The following MAPK10 variants were observed in gnomAD, a reference collection of about 807,000 sequenced individuals.
MAPK10 encodes the protein JNK3 alpha protein kinase.
MAPK10 carries 25 observed loss-of-function variants against 59.3 expected under a neutral mutation model. The ratio of observed to expected loss-of-function variants is 0.42; its 90% CI spans 0.31 to 0.59. The LOEUF (loss-of-function observed/expected upper bound fraction) is 0.59. Ranked by LOEUF, MAPK10 falls within the 20% of genes least tolerant of loss-of-function variation. The probability of loss-of-function intolerance (pLI) is 0.15; values close to 1 mark genes in which losing one functional copy is unlikely to be tolerated. For missense variants in MAPK10, 351 were observed against 568.9 expected, an observed-to-expected ratio of 0.62 and a Z score of 3.90; for synonymous variants, 190 against 200.5, an observed-to-expected ratio of 0.95 and a Z score of 0.44.
chr4:86,550,477 T>A (rs1457654611), intron 1 of MAPK10, among the ~76,000 whole-genome samples: 1 of 143,312 alleles, frequency 7.0e-6, no homozygotes, highest in African/African-American at 2.7e-5. Context: ...GGAAGGCAGA[T>A]CACTTGAGGT....
chr4:86,093,915 G>C (rs1351149953), intron 9 of MAPK10, among the ~76,000 whole-genome samples: 1 of 151,576 alleles, frequency 6.6e-6, no homozygotes, highest in Non-Finnish European at 1.5e-5. Flanking sequence ...CATGCAATTT[G>C]CTTATAGATT....
chr4:86,174,455 T>C lies in MAPK10; in HGVS notation c.67-14988A>G, dbSNP rs377251495. 2.4e-4 allele frequency among the ~76,000 whole-genome samples: 36 copies of C among 152,104 alleles called. No homozygotes were observed. In the East Asian group the frequency reaches 6.0e-3, roughly 25 times the overall value. ...ACGCAGGGAGGGGAACAACACACAC[T>C]GGGACCTGTCAGGGGGGTGGTGGAA... On this transcript the variant is annotated intron_variant, in intron 3 of 13. Transcript: ENST00000641462.
At chr4:86,282,582 G>A (rs1360305232) in intron 2 of MAPK10, among the ~76,000 whole-genome samples, 1 of 152,086 alleles carries the variant, frequency 6.6e-6, no homozygotes, top group Admixed American at 6.6e-5. Flanking sequence ...AGATTTTGGA[G>A]GAAAACAAAC....
intron 2 of MAPK10, among the ~76,000 whole-genome samples, chr4:86,325,153 T>C (rs893703254): frequency 2.6e-5 from 4 of 151,834 alleles, no homozygotes; most frequent in African/African-American, 9.7e-5. Flanking sequence ...AAAATACTCA[T>C]AAAAAAAATA....
At chr4:86,083,822 A>C (rs931505133) in intron 9 of MAPK10, among the ~76,000 whole-genome samples, 1 of 152,180 alleles carries the variant, frequency 6.6e-6, no homozygotes, top group African/African-American at 2.4e-5. Flanking sequence ...AGGAAAGGAA[A>C]GAGTGAAAAG....
chr4:86,458,392 G>A (rs1050960401), intron 1 of MAPK10, among the ~76,000 whole-genome samples: 11 of 151,962 alleles, frequency 7.2e-5, no homozygotes, highest in African/African-American at 2.7e-4. Context: ...AACCCAGGAG[G>A]CAAGGGTTTT....
chr4:86,098,681 G>C (rs1476050843), intron 8 of MAPK10, 86 bp from the exon 9 acceptor site: 1 of 1,134,310 alleles, frequency 8.8e-7, no homozygotes, highest in African/African-American at 1.5e-5. Flanking sequence ...GGAGGAAAAA[G>C]AACAGTTTGA....
intron 4 of MAPK10, among the ~76,000 whole-genome samples, chr4:86,137,102 C>T (rs1251162548): frequency 1.3e-5 from 2 of 150,506 alleles, no homozygotes; most frequent in Non-Finnish European, 2.9e-5. Flanking sequence ...TTTAACACCC[C>T]ACTGTCAACA....
Position 86,314,761 on chromosome 4 carries a change from A to G in MAPK10, c.-7+39769T>C, listed in dbSNP as rs1398968513. ...CAAGGAAAATACTTAGATATACAACATAAAAAGTTACAAATCAACCATAAT... is the reference window on the plus strand; with the variant it reads ...CAAGGAAAATACTTAGATATACAACGTAAAAAGTTACAAATCAACCATAAT... On this transcript the variant is annotated intron_variant, in intron 2 of 13. Transcript: ENST00000641462. 4.6e-5 allele frequency among the ~76,000 whole-genome samples: 7 copies of G among 152,308 alleles called. No homozygotes were observed. In the East Asian group the frequency reaches 1.3e-3, roughly 29 times the overall value.
At chr4:86,271,375 T>A (rs1247000292) in intron 2 of MAPK10, among the ~76,000 whole-genome samples, 1 of 152,094 alleles carries the variant, frequency 6.6e-6, no homozygotes, top group Admixed American at 6.6e-5. Context: ...TTGTTTGTCA[T>A]TATTGATTCA....
chr4:86,372,564 G>GAAAGAAAGAAAAAGAAAAGAAAAGA lies in MAPK10; in HGVS notation c.-121-17921_-121-17920insTCTTTTCTTTTCTTTTTCTTTCTTT. ...AGAAAGAAAGAAAGAAAGAAAGAAAGAAAGAAAAGAAAAGAAAAGAAAAGA... is the reference window on the plus strand; with the variant it reads ...AGAAAGAAAGAAAGAAAGAAAGAAAGAAAGAAAGAAAAAGAAAAGAAAAGAAAAGAAAAGAAAAGAAAAGAAAAGA... On this transcript the variant is annotated intron_variant, in intron 1 of 13. Transcript: ENST00000361569. 7.6e-3 allele frequency among the ~76,000 whole-genome samples: 599 copies of GAAAGAAAGAAAAAGAAAAGAAAAGA among 78,714 alleles called. 12 individuals are homozygous for GAAAGAAAGAAAAAGAAAAGAAAAGA. The highest frequency in any genetic ancestry group is 0.013 in the Non-Finnish European group (459 of 36,036). 51.6% of individuals were successfully genotyped at this position (78,714 alleles called of 152,430 possible).
chr4:86,455,431 C>T (rs1751146322), upstream of MAPK10, among the ~76,000 whole-genome samples: 1 of 152,088 alleles, frequency 6.6e-6, no homozygotes, highest in Non-Finnish European at 1.5e-5. Flanking sequence ...CATAAGGACT[C>T]ACATAAATTT....
chr4:86,508,150 T>C (rs1755947388), intron 1 of MAPK10, among the ~76,000 whole-genome samples: 1 of 152,136 alleles, frequency 6.6e-6, no homozygotes, highest in Non-Finnish European at 1.5e-5. Flanking sequence ...CAAAAAAATA[T>C]CATTTTCTTT....
intron 11 of MAPK10, among the ~76,000 whole-genome samples, chr4:86,049,929 G>A (rs1160481058): frequency 6.6e-6 from 1 of 152,046 alleles, no homozygotes; most frequent in Non-Finnish European, 1.5e-5. Context: ...CCTGCAGCTT[G>A]GGTACCCTCT....
chr4:86,561,211 A>G (rs2149104368), intron 1 of MAPK10, among the ~76,000 whole-genome samples: 1 of 152,222 alleles, frequency 6.6e-6, no homozygotes, highest in South Asian at 2.1e-4. Context: ...TCAGGTGGTA[A>G]TGCTCCAGCC....
At chr4:86,456,344 C>G (rs947326359), upstream of MAPK10, among the ~76,000 whole-genome samples, 1 of 151,528 alleles carries the variant, frequency 6.6e-6, no homozygotes, top group Non-Finnish European at 1.5e-5. Flanking sequence ...ACAACAACAA[C>G]AAAAAAGATA....
chr4:86,114,802 G>T (rs527274742), intron 4 of MAPK10, among the ~76,000 whole-genome samples: 1 of 152,230 alleles, frequency 6.6e-6, no homozygotes, highest in African/African-American at 2.4e-5. Flanking sequence ...GACTGTGGCC[G>T]CTCCTCCCCT....
chr4:86,074,340 T>G (rs1023589346), intron 9 of MAPK10, among the ~76,000 whole-genome samples: 8 of 150,096 alleles, frequency 5.3e-5, no homozygotes, highest in African/African-American at 2.0e-4. Context: ...ATCTTGACTC[T>G]TTATCCAATT....
chr4:86,501,123 A>T (rs1220671860), intron 1 of MAPK10, among the ~76,000 whole-genome samples: 1 of 150,808 alleles, frequency 6.6e-6, no homozygotes, highest in Non-Finnish European at 1.5e-5. Context: ...TGAAAAAAAA[A>T]AAAAAAAAAA....
Sources: gnomAD v4.1 joint callset for allele counts (sites outside exome capture counted in the v4.1 genomes callset) on GRCh38, gnomAD v4.1.1 for gene constraint, MANE v1.5 for transcripts, NCBI Gene and HGNC (gene_info 2026-07-23, HGNC 2026-07-21) for gene names.